The following PDE3A variants were observed in gnomAD, a reference collection of about 807,000 sequenced individuals.
PDE3A encodes the protein phosphodiesterase 3A, also known as cGMP-inhibited 3',5'-cyclic phosphodiesterase 3A.
PDE3A carries 43 observed loss-of-function variants against 98.3 expected under a neutral mutation model. The ratio of observed to expected loss-of-function variants is 0.44; its 90% CI spans 0.34 to 0.56. The LOEUF (loss-of-function observed/expected upper bound fraction) is 0.56, where lower values mean the gene tolerates loss of function less well. Ranked by LOEUF, PDE3A falls within the 20% of genes least tolerant of loss-of-function variation. The pLI, the probability that PDE3A is intolerant of heterozygous loss-of-function variation, is 0.01. For synonymous variants in PDE3A, 663 were observed against 567.9 expected, an observed-to-expected ratio of 1.17 and a Z score of -2.38; for missense variants, 1,427 against 1,440.7, an observed-to-expected ratio of 0.99 and a Z score of 0.15.
In PDE3A at chr12:20,686,878, C is replaced by A. The variant is rs552405787; in HGVS notation, c.*6607C>A. The stretch of plus-strand genomic sequence containing the variant: ...TGCAGAGCTGTGGATTGGGAGTGAA[C>A]ACTACATAAAATTTGCAGGGTATCC... On this transcript the variant is annotated 3_prime_UTR_variant, in exon 16 of 16. Coordinates refer to ENST00000359062, the MANE Select transcript of PDE3A (RefSeq NM_000921.5). 4.2e-4 allele frequency among the ~76,000 whole-genome samples: 64 copies of A among 152,202 alleles called. No homozygotes were observed. The highest frequency in any genetic ancestry group is 3.9e-3 in the Admixed American group (59 of 15,276).
At chr12:20,518,398 A>C (rs1283865406) in intron 1 of PDE3A, among the ~76,000 whole-genome samples, 1 of 152,108 alleles carries the variant, frequency 6.6e-6, no homozygotes, top group African/African-American at 2.4e-5. Context: ...AAAGATATTT[A>C]ATAATGGAGA....
chr12:20,606,913 A>G (rs1356146828), intron 2 of PDE3A, among the ~76,000 whole-genome samples: 1 of 151,832 alleles, frequency 6.6e-6, no homozygotes, highest in Non-Finnish European at 1.5e-5. Context: ...CACACGTCTA[A>G]AAGTATGTAT....
At chr12:20,637,651 C>T (rs187668647) in intron 9 of PDE3A, among the ~76,000 whole-genome samples, 17 of 152,128 alleles carry the variant, frequency 1.1e-4, no homozygotes, top group Middle Eastern at 6.8e-3. Context: ...GAGCTTAGGC[C>T]TTATCAAAGA....
chr12:20,483,199 G>A lies in PDE3A; in HGVS notation c.961-73461G>A, dbSNP rs377754367. 7.1e-4 allele frequency among the ~76,000 whole-genome samples: 108 copies of A among 152,194 alleles called. 1 individual carries two copies. The South Asian group carries it at 0.021, about 30-fold the overall frequency. ...AGGTCAGGATATCGGGACCATCCTG[G>A]CCAAAATGTTGAAGCCCCGTCTCTA... On this transcript the variant is annotated intron_variant, in intron 1 of 15. Transcript: ENST00000359062.
At chr12:20,613,051 T>G (rs1367587855) in intron 2 of PDE3A, among the ~76,000 whole-genome samples, 1 of 152,032 alleles carries the variant, frequency 6.6e-6, no homozygotes, top group Admixed American at 6.6e-5. Flanking sequence ...AAAATAACAT[T>G]TTATGGTATA....
In PDE3A at chr12:20,623,074, G is replaced by A. The variant is rs112256383; in HGVS notation, c.1540+1663G>A. On this transcript the variant is annotated intron_variant, in intron 5 of 15. Transcript: ENST00000359062. Reference sequence around the variant, plus strand: ...AGACATAACTGCAGAGCAGCTAAATGTAACTTTTGGAAATGTAGTCAAGGA... The same window carrying A: ...AGACATAACTGCAGAGCAGCTAAATATAACTTTTGGAAATGTAGTCAAGGA... Among the ~76,000 whole-genome samples, 1,375 of 152,158 alleles carry A rather than the reference G, an allele frequency of 9.0e-3. 30 individuals are homozygous for A. The highest frequency in any genetic ancestry group is 0.032 in the African/African-American group (1,309 of 41,528).
At chr12:20,437,281 C>T (rs184785397) in intron 1 of PDE3A, among the ~76,000 whole-genome samples, 1 of 152,202 alleles carries the variant, frequency 6.6e-6, no homozygotes, top group African/African-American at 2.4e-5. Flanking sequence ...CATTTGGGAA[C>T]CTGTGTTGCA....
intron 1 of PDE3A, among the ~76,000 whole-genome samples, chr12:20,376,808 T>C (rs542466586): frequency 2.0e-5 from 3 of 151,892 alleles, no homozygotes; most frequent in South Asian, 2.1e-4. Flanking sequence ...TAGGGTATAA[T>C]ATCAGAGGAG....
intron 2 of PDE3A, among the ~76,000 whole-genome samples, chr12:20,607,499 T>C (rs1943740732): frequency 6.6e-6 from 1 of 150,768 alleles, no homozygotes; most frequent in African/African-American, 2.4e-5. Context: ...TTACCAAAAG[T>C]ATCAGTTATT....
intron 1 of PDE3A, 52 bp from the exon 2 acceptor site, chr12:20,556,608 T>C (rs371675787): frequency 1.2e-5 from 14 of 1,124,850 alleles, no homozygotes; most frequent in East Asian, 1.2e-4. Context: ...AGAAGAAAAA[T>C]GTTTGTCAGG....
chr12:20,637,012 C>T, intron 8 of PDE3A, 88 bp from the exon 9 acceptor site: 1 of 821,386 alleles, frequency 1.2e-6, no homozygotes, highest in East Asian at 2.9e-5. Flanking sequence ...TTTCCGATAG[C>T]CACAGTTGTT....
chr12:20,488,752 T>A (rs1945774963), intron 1 of PDE3A, among the ~76,000 whole-genome samples: 1 of 151,918 alleles, frequency 6.6e-6, no homozygotes, highest in Non-Finnish European at 1.5e-5. Context: ...AGCCACCACG[T>A]GTACCTGTAG....
chr12:20,469,728 G>A (rs1463163571), intron 1 of PDE3A, among the ~76,000 whole-genome samples: 2 of 152,090 alleles, frequency 1.3e-5, no homozygotes, highest in African/African-American at 2.4e-5. Context: ...AAATTTTTAG[G>A]TACAACATAT....
At chr12:20,419,365 T>G (rs1313289733) in intron 1 of PDE3A, among the ~76,000 whole-genome samples, 1 of 152,000 alleles carries the variant, frequency 6.6e-6, no homozygotes, top group African/African-American at 2.4e-5. Flanking sequence ...CGATCATAGC[T>G]CCCTGCAGGC....
intron 2 of PDE3A, among the ~76,000 whole-genome samples, chr12:20,563,385 C>T (rs1226528769): frequency 2.0e-5 from 3 of 151,844 alleles, no homozygotes; most frequent in Admixed American, 6.6e-5. Flanking sequence ...GATGACCAGC[C>T]GTATTTCCCA....
chr12:20,506,803 T>G (rs1946127658), intron 1 of PDE3A, among the ~76,000 whole-genome samples: 1 of 152,064 alleles, frequency 6.6e-6, no homozygotes, highest in African/African-American at 2.4e-5. Context: ...TGGCATCAAG[T>G]TAATTCATTA....
intron 2 of PDE3A, among the ~76,000 whole-genome samples, chr12:20,557,699 A>C (rs773437413): frequency 1.6e-4 from 24 of 152,196 alleles, no homozygotes; most frequent in Non-Finnish European, 2.8e-4. Flanking sequence ...AAACCAAGTC[A>C]ATCAATTGTT....
chr12:20,516,542 G>A (rs1048300769), intron 1 of PDE3A, among the ~76,000 whole-genome samples: 3 of 152,124 alleles, frequency 2.0e-5, no homozygotes, highest in African/African-American at 4.8e-5. Flanking sequence ...AAGCCTCAAT[G>A]TCTTTGGTTT....
intron 1 of PDE3A, among the ~76,000 whole-genome samples, chr12:20,439,512 C>A (rs947586278): frequency 6.6e-6 from 1 of 152,044 alleles, no homozygotes; most frequent in Non-Finnish European, 1.5e-5. Flanking sequence ...AAATGAACTC[C>A]ATTTGATATA....
Sources: allele counts gnomAD v4.1 joint callset (sites outside exome capture counted in the v4.1 genomes callset), GRCh38; gene constraint gnomAD v4.1.1; transcripts MANE v1.5; gene names NCBI Gene and HGNC (gene_info 2026-07-23, HGNC 2026-07-21).